Variants in LINGO2 observed in about 807,000 individuals in gnomAD.
LINGO2 encodes leucine rich repeat and Ig domain containing 2.
A neutral mutation model predicts 30.6 loss-of-function variants in LINGO2; 14 were observed. The observed-to-expected ratio is 0.46, with a 90% CI of 0.30 to 0.72. LINGO2 has a LOEUF of 0.72. Among genes scored for constraint, LINGO2 ranks in the 30% least tolerant of loss-of-function variants. The pLI, the probability that LINGO2 is intolerant of heterozygous loss-of-function variation, is 0.07. For missense variants in LINGO2, 729 were observed against 751.7 expected, an observed-to-expected ratio of 0.97 and a Z score of 0.35; for synonymous variants, 317 against 288.5, an observed-to-expected ratio of 1.10 and a Z score of -1.00.
chr9:28,430,289 G>C (rs560583135), intron 2 of LINGO2, among the ~76,000 whole-genome samples: 1 of 152,072 alleles, frequency 6.6e-6, no homozygotes, highest in Non-Finnish European at 1.5e-5. Context: ...TGGGTGAAAG[G>C]TACCAACTTT....
At chr9:28,174,048 T>C (rs1828675470) in intron 4 of LINGO2, among the ~76,000 whole-genome samples, 1 of 152,188 alleles carries the variant, frequency 6.6e-6, no homozygotes, top group Non-Finnish European at 1.5e-5. Context: ...GTAAAAGCAA[T>C]ATTTTCTAAG....
the LINGO2 span, among the ~76,000 whole-genome samples, chr9:28,876,714 T>C: frequency 6.6e-6 from 1 of 152,154 alleles, no homozygotes; most frequent in Admixed American, 6.6e-5. Context: ...TAAACATACG[T>C]GTGCAGGTGT....
At position 28,129,957 on chromosome 9, in the gene LINGO2, A is replaced by G. The variant is rs1410229864; in HGVS notation, c.-86-117552T>C. Among the ~76,000 whole-genome samples the G allele has an allele frequency of 6.6e-6, 1 of 152,222 alleles. No individual in the cohort carries two copies. The highest frequency in any genetic ancestry group is 1.5e-5 in the Non-Finnish European group (1 of 68,036). On this transcript the variant is annotated intron_variant, in intron 4 of 5. Coordinates refer to ENST00000379992, the Ensembl canonical transcript of LINGO2. This position sits in a 1 kb window ranked among gnomAD's most constrained non-coding sequence, Gnocchi z 4.0. The stretch of plus-strand genomic sequence containing the variant: ...AGAACATGTGAATCTTTGTGGTATA[A>G]CAACTTATGTTCCAGTAACTTCTAT...
chr9:28,207,872 T>G (rs781126018), intron 4 of LINGO2, among the ~76,000 whole-genome samples: 1 of 147,532 alleles, frequency 6.8e-6, no homozygotes, highest in African/African-American at 2.5e-5. Flanking sequence ...AAAGAGGGTG[T>G]TTTTTTTTTA....
At chr9:28,926,248 A>G in the LINGO2 span, among the ~76,000 whole-genome samples, 1 of 152,152 alleles carries the variant, frequency 6.6e-6, no homozygotes, top group Non-Finnish European at 1.5e-5. Flanking sequence ...TGAGAGGCAG[A>G]GGTTGCAGTG....
chr9:28,806,254 C>T, the LINGO2 span, among the ~76,000 whole-genome samples: 10 of 152,094 alleles, frequency 6.6e-5, no homozygotes, highest in Admixed American at 5.9e-4. Context: ...GATTAATTAG[C>T]AAAATGATCT....
At chr9:28,297,003 G>A (rs1253747329) in intron 3 of LINGO2, among the ~76,000 whole-genome samples, 1 of 151,482 alleles carries the variant, frequency 6.6e-6, no homozygotes, top group Non-Finnish European at 1.5e-5. Context: ...AACCTTTTTT[G>A]GTCTTTTGGC....
the LINGO2 span, among the ~76,000 whole-genome samples, chr9:28,946,704 A>G: frequency 6.6e-6 from 1 of 152,260 alleles, no homozygotes; most frequent in South Asian, 2.1e-4. Flanking sequence ...CCCCCATTAC[A>G]TAACACAGAA....
the LINGO2 span, among the ~76,000 whole-genome samples, chr9:28,854,056 C>G: frequency 6.6e-6 from 1 of 151,900 alleles, no homozygotes; most frequent in African/African-American, 2.4e-5. Context: ...GTGGCAATGA[C>G]AGGAGACATT....
At chr9:28,391,470 C>T (rs1418712599) in intron 2 of LINGO2, among the ~76,000 whole-genome samples, 1 of 152,122 alleles carries the variant, frequency 6.6e-6, no homozygotes, top group African/African-American at 2.4e-5. Flanking sequence ...GGATGTGAAT[C>T]GGGAAATCAT....
In LINGO2 at chr9:28,455,814, G is replaced by A. The variant is rs143423050; in HGVS notation, c.-279+20126C>T. Among the ~76,000 whole-genome samples, 181 of 152,172 alleles carry A rather than the reference G, an allele frequency of 1.2e-3. 2 individuals are homozygous for A. The highest frequency in any genetic ancestry group is 4.2e-3 in the African/African-American group (174 of 41,542). On this transcript the variant is annotated intron_variant, in intron 2 of 5. Transcript: ENST00000379992. ...GTCTCCCACATCCCCCTGCCTTGTA[G>A]AGTATACTCTGAAAGTACGAACCAT...
At chr9:28,637,628 T>C (rs974915605) in intron 1 of LINGO2, among the ~76,000 whole-genome samples, 11 of 152,164 alleles carry the variant, frequency 7.2e-5, no homozygotes, top group African/African-American at 2.7e-4. Context: ...TGTTTATCTG[T>C]TATTGGTGTA....
intron 4 of LINGO2, among the ~76,000 whole-genome samples, chr9:28,053,010 T>C (rs909231790): frequency 1.3e-5 from 2 of 152,048 alleles, no homozygotes; most frequent in Non-Finnish European, 2.9e-5. Context: ...AGGTGACCAA[T>C]ATAGGTATGT....
At chr9:28,150,438 G>C (rs1377185133) in intron 4 of LINGO2, among the ~76,000 whole-genome samples, 2 of 152,192 alleles carry the variant, frequency 1.3e-5, no homozygotes, top group African/African-American at 2.4e-5. Flanking sequence ...ACAAGAATTA[G>C]GCCGGCATGG....
chr9:27,976,877 C>G (rs1010376354), intron 5 of LINGO2, among the ~76,000 whole-genome samples: 1 of 152,042 alleles, frequency 6.6e-6, no homozygotes, highest in African/African-American at 2.4e-5. Context: ...TGATAATACA[C>G]AATGAACTGG....
intron 4 of LINGO2, among the ~76,000 whole-genome samples, chr9:28,228,960 A>G (rs7875948): frequency 0.57 from 85,568 of 151,430 alleles, 25,134 homozygotes; most frequent in African/African-American, 0.74. Flanking sequence ...CTGTATTCCC[A>G]TAATTTCTAG....
chr9:28,957,002 G>T, the LINGO2 span, among the ~76,000 whole-genome samples: 6 of 151,980 alleles, frequency 3.9e-5, no homozygotes, highest in Admixed American at 1.3e-4. Context: ...ATGAATCCAG[G>T]ATTCTATGAT....
the LINGO2 span, among the ~76,000 whole-genome samples, chr9:28,965,609 A>G: frequency 6.6e-6 from 1 of 152,096 alleles, no homozygotes; most frequent in East Asian, 1.9e-4. Flanking sequence ...GAGAGGGTCA[A>G]TACAATAGGT....
At chr9:28,964,090 A>G in the LINGO2 span, among the ~76,000 whole-genome samples, 1 of 151,658 alleles carries the variant, frequency 6.6e-6, no homozygotes, top group East Asian at 1.9e-4. Flanking sequence ...CTCTACATAC[A>G]TATATGTACA....
Sources: allele counts gnomAD v4.1 joint callset (sites outside exome capture counted in the v4.1 genomes callset), GRCh38; gene constraint gnomAD v4.1.1; non-coding constraint Gnocchi (gnomAD v3.1); transcripts MANE v1.5; gene names NCBI Gene and HGNC (gene_info 2026-07-23, HGNC 2026-07-21).